Variants in VNN2 observed in about 807,000 individuals in gnomAD.
VNN2 encodes the protein vanin 2, also known as pantetheine hydrolase VNN2.
A neutral mutation model predicts 43.0 loss-of-function variants in VNN2; 43 were observed. That is an observed-to-expected ratio of 1.00 (90% CI 0.78 to 1.29). VNN2 has a LOEUF of 1.29. VNN2 is among the 50% of genes most tolerant of loss of function. VNN2 has a pLI of 0.00. For synonymous variants in VNN2, 230 were observed against 224.3 expected, an observed-to-expected ratio of 1.03 and a Z score of -0.23; for missense variants, 652 against 619.7, an observed-to-expected ratio of 1.05 and a Z score of -0.55.
Position 132,751,434 on chromosome 6 carries a change from A to G in VNN2, c.911T>C (p.Val304Ala). 1.2e-6 allele frequency: 2 copies of G among 1,614,162 alleles called. No individual in the cohort carries two copies. The highest frequency in any genetic ancestry group is 1.7e-6 in the Non-Finnish European group (2 of 1,180,018). ...TELGKLLLSEVDSHPLSSLAY... is the reference protein window; with the variant it reads ...TELGKLLLSEADSHPLSSLAY... ...AAGCGAGGATAGGGGATGTGAATCCACCTCTGAAAGGAGAAGTTTTCCCAA... is the reference window on the plus strand; with the variant it reads ...AAGCGAGGATAGGGGATGTGAATCCGCCTCTGAAAGGAGAAGTTTTCCCAA... The change falls in exon 5 of 7, where the codon GTG (valine) becomes GCG (alanine). Residue 304 changes from valine to alanine, a missense_variant. Transcript: ENST00000326499.
chr6:132,751,000 G>C, intron 5 of VNN2, 145 bp downstream of exon 5: 1 of 954,630 alleles, frequency 1.0e-6, no homozygotes, highest in Non-Finnish European at 1.6e-6. Flanking sequence ...ATGCACGTGT[G>C]TGTGTGTGTG....
upstream of VNN2, chr6:132,757,949 G>T: frequency 2.3e-6 from 3 of 1,318,066 alleles, no homozygotes; most frequent in South Asian, 1.6e-5. Flanking sequence ...AGGGGAGAAT[G>T]TTTGCATAAC....
chr6:132,761,735 C>T (rs1170749555), upstream of VNN2, among the ~76,000 whole-genome samples: 1 of 152,168 alleles, frequency 6.6e-6, no homozygotes, highest in Non-Finnish European at 1.5e-5. Context: ...ATCTGATCAT[C>T]TGTTAGAATA....
At chr6:132,752,127 T>C (rs991775293) in intron 4 of VNN2, among the ~76,000 whole-genome samples, 1 of 152,212 alleles carries the variant, frequency 6.6e-6, no homozygotes, top group Non-Finnish European at 1.5e-5. Flanking sequence ...AAGGGCAAGA[T>C]ATAGAGGCTT....
At chr6:132,749,557 C>T in intron 6 of VNN2, 138 bp downstream of exon 6, 1 of 909,274 alleles carries the variant, frequency 1.1e-6, no homozygotes, top group Non-Finnish European at 1.6e-6. Context: ...ATTGCCAACC[C>T]ACAGAACCAG....
intron 3 of VNN2, among the ~76,000 whole-genome samples, chr6:132,755,350 C>A (rs56739181): frequency 0.38 from 53,704 of 142,362 alleles, 10,677 homozygotes; most frequent in Middle Eastern, 0.48. Context: ...TTTTTTACAA[C>A]GTGTCATTTT....
chr6:132,757,677 A>C lies in VNN2; in HGVS notation c.207T>G (p.Ala69=), dbSNP rs1262767933. The C allele has an allele frequency of 1.2e-6, 2 of 1,613,910 alleles. No individual in the cohort carries two copies. Among genetic ancestry groups the C allele is most frequent in the Non-Finnish European group, 8.5e-7 (1 of 1,179,868 alleles). The change falls in exon 1 of 7, where the codon GCT becomes GCG. Residue 69 remains alanine (A), a synonymous_variant. Coordinates refer to ENST00000326499, the MANE Select transcript of VNN2 (RefSeq NM_004665.6). ...AACAGAAATAAGAGAATACCTGCTC[A>C]GCTGCCTGCTTGATCGCTGTCTCCA... ...DILETAIKQA[A]EQGARIIVTP... is the part of the protein sequence containing the mutation.
At chr6:132,754,909 C>T (rs751641003) in intron 3 of VNN2, among the ~76,000 whole-genome samples, 14 of 152,242 alleles carry the variant, frequency 9.2e-5, no homozygotes, top group Admixed American at 6.5e-4. Flanking sequence ...CTCAGTGGCT[C>T]ATGCCTCTAA....
chr6:132,752,626 C>A lies in VNN2; in HGVS notation c.661G>T (p.Val221Phe). 1.2e-6 allele frequency: 2 copies of A among 1,614,162 alleles called. No individual in the cohort carries two copies. Among genetic ancestry groups the A allele is most frequent in the Non-Finnish European group, 1.7e-6 (2 of 1,180,034 alleles). Residue 221 changes from valine to phenylalanine, a missense_variant, in exon 4 of 7, where the codon GTT becomes TTT. By Grantham distance (50) the Val-to-Phe change is conservative (BLOSUM62 -1). Coordinates refer to ENST00000326499, the MANE Select transcript of VNN2 (RefSeq NM_004665.6). The stretch of plus-strand genomic sequence containing the variant: ...ACATGGAAATCTTTCACCAGGGTAA[C>A]ACCAGGATCATAGAAGAATATATCA... ...CFDIFFYDPG[V>F]TLVKDFHVDT... is the part of the protein sequence containing the mutation.
chr6:132,754,476 A>C (rs1411705822), intron 3 of VNN2, among the ~76,000 whole-genome samples: 1 of 152,192 alleles, frequency 6.6e-6, no homozygotes, highest in Admixed American at 6.5e-5. Context: ...CCATTGGTTT[A>C]ACATCCCTCC....
chr6:132,750,944 T>C (rs112956979), intron 5 of VNN2, among the ~76,000 whole-genome samples: 24 of 152,314 alleles, frequency 1.6e-4, no homozygotes, highest in African/African-American at 5.3e-4. Context: ...AGATTATACT[T>C]AATTCCCATT....
rs138339467 is a variant in VNN2 at position 132,757,725 on chromosome 6, G to C, written c.159C>G (p.Leu53=). 1.3e-4 allele frequency: 213 copies of C among 1,614,006 alleles called. No homozygotes were observed. Among genetic ancestry groups the C allele is most frequent in the Non-Finnish European group, 1.8e-4 (207 of 1,180,034 alleles). The change falls in exon 1 of 7, where the codon CTC becomes CTG. Residue 53 remains leucine, a synonymous_variant. Transcript: ENST00000326499. ...CCAGAATGTCTATATTCTCGTTCATGAGATTCAAGGCATCCTCCTGAGAAA... is the reference window on the plus strand; with the variant it reads ...CCAGAATGTCTATATTCTCGTTCATCAGATTCAAGGCATCCTCCTGAGAAA... ...TPVSQEDALN[L]MNENIDILET... is the part of the protein sequence containing the mutation.
Position 132,757,492 on chromosome 6 carries a change from T to C in VNN2, c.268A>G (p.Arg90Gly). 6.2e-7 allele frequency: 1 copy of C among 1,614,134 alleles called. No individual in the cohort carries two copies. Among genetic ancestry groups the C allele is most frequent in the Non-Finnish European group, 8.5e-7 (1 of 1,179,992 alleles). ...TCCAGATAAGGGAAAACAGTTTCCC[T>C]GGTAAATTTCCATCCATAAAGTGCA... Reference protein sequence around the residue: ...EDALYGWKFTRETVFPYLEDI... With the variant: ...EDALYGWKFTGETVFPYLEDI... Residue 90 changes from arginine to glycine, a missense_variant, in exon 2 of 7, where the codon AGG becomes GGG. Arg to Gly is a moderately radical substitution (Grantham distance 125). Coordinates refer to ENST00000326499, the MANE Select transcript of VNN2 (RefSeq NM_004665.6).
intron 2 of VNN2, among the ~76,000 whole-genome samples, chr6:132,756,244 C>T (rs1780471866): frequency 6.6e-6 from 1 of 152,150 alleles, no homozygotes; most frequent in South Asian, 2.1e-4. Context: ...ATTCATTATT[C>T]GGTCTCCTGC....
At chr6:132,747,852 A>T (rs1779811293) in intron 6 of VNN2, among the ~76,000 whole-genome samples, 1 of 152,178 alleles carries the variant, frequency 6.6e-6, no homozygotes, top group Non-Finnish European at 1.5e-5. Context: ...TCAAACACTT[A>T]TGTGGTTCAG....
chr6:132,752,034 C>T (rs12209262), intron 4 of VNN2, among the ~76,000 whole-genome samples: 36,119 of 152,068 alleles, frequency 0.24, 5,412 homozygotes, highest in African/African-American at 0.42. Flanking sequence ...TTCCTTTTCT[C>T]TCTTGTCCCC....
chr6:132,752,552 CA>C lies in VNN2; in HGVS notation c.734del (p.Leu245Ter). 6.2e-7 allele frequency: 1 copy of C among 1,614,122 alleles called. No homozygotes were observed. The highest frequency in any genetic ancestry group is 8.5e-7 in the Non-Finnish European group (1 of 1,180,008). On this transcript the variant is annotated frameshift_variant, in exon 4 of 7. Coordinates refer to ENST00000326499, the MANE Select transcript of VNN2 (RefSeq NM_004665.6). LOFTEE classifies it high-confidence loss of function. ...AAGCTGAATGGAATTCAATAGCTGT[CA>C]AAAGGGGCAAAACGTTCATCCAAGC... ...PTAWMNVLPLLTAIEFHSAWA... is the reference protein window; with the variant it reads ...PTAWMNVLPLXTAIEFHSAWA...
At chr6:132,761,417 T>C (rs1356224669), upstream of VNN2, among the ~76,000 whole-genome samples, 3 of 150,616 alleles carry the variant, frequency 2.0e-5, no homozygotes, top group Non-Finnish European at 4.4e-5. Flanking sequence ...CCCTGCACTT[T>C]GGGAGGCCGA....
rs35785753 is a variant in VNN2 at position 132,744,507 on chromosome 6, G to A, written c.1372-16C>T. The A allele has an allele frequency of 4.5e-6, 7 of 1,558,920 alleles. No individual in the cohort carries two copies. In the Admixed American group the frequency reaches 8.6e-5, roughly 19 times the overall value. ...CTTTCAGCACCTAAAGAAAAGGTGG[G>A]AAAAGTACAGTCAGCTTTCTTAACA... On this transcript the variant is annotated splice_polypyrimidine_tract_variant and intron_variant, in intron 6 of 6. Transcript: ENST00000326499.
Sources: gnomAD v4.1 joint callset for allele counts (sites outside exome capture counted in the v4.1 genomes callset) on GRCh38, gnomAD v4.1.1 for gene constraint, MANE v1.5 for transcripts, NCBI Gene and HGNC (gene_info 2026-07-23, HGNC 2026-07-21) for gene names.